UBR3: variants seen among roughly 807,000 people sequenced by gnomAD.
UBR3 encodes the protein ubiquitin protein ligase E3 component n-recognin 3.
Under a neutral mutation model 243.2 loss-of-function variants are expected in UBR3, and 85 were observed. The ratio of observed to expected loss-of-function variants is 0.35; its 90% CI spans 0.29 to 0.42. UBR3 has a LOEUF of 0.42. Among genes scored for constraint, UBR3 ranks in the 10% least tolerant of loss-of-function variants. The pLI is 1.00. For synonymous variants in UBR3, 748 were observed against 799.8 expected (o/e 0.94, Z 1.09); for missense variants, 1,686 against 2,300.8 (o/e 0.73, Z 5.47).
chr2:170,071,590 A>G (rs552221839), intron 35 of UBR3, among the ~76,000 whole-genome samples: 2 of 152,288 alleles, frequency 1.3e-5, no homozygotes, highest in South Asian at 4.1e-4. Flanking sequence ...AAATGGTTGA[A>G]TGTTATGGTA....
At chr2:169,993,866 G>C (rs1488816107) in intron 25 of UBR3, among the ~76,000 whole-genome samples, 5 of 152,010 alleles carry the variant, frequency 3.3e-5, no homozygotes, top group Non-Finnish European at 7.4e-5. Context: ...TTATAAATCT[G>C]CTCCCTCAGT....
intron 1 of UBR3, among the ~76,000 whole-genome samples, chr2:169,832,482 G>GGAGCTTGGAGT (rs549758351): frequency 4.6e-5 from 7 of 151,880 alleles, no homozygotes; most frequent in African/African-American, 7.3e-5. Flanking sequence ...CCCGGGAGGC[G>GGAGCTTGGAGT]GAGCTTGGAG....
At chr2:169,954,614 C>T (rs1213395702) in intron 23 of UBR3, among the ~76,000 whole-genome samples, 4 of 144,044 alleles carry the variant, frequency 2.8e-5, no homozygotes, top group Admixed American at 2.1e-4. Context: ...CTCTTTCTGT[C>T]ACCCAGGCTG....
rs142578750 is a variant in UBR3, at chr2:169,834,328, C to G, written c.545+6276C>G. ...TTTGCGGTCAGTCCCTACTGATAGACATTTAAATTGTTTCCAGACTTGGGC... is the reference window on the plus strand; with the variant it reads ...TTTGCGGTCAGTCCCTACTGATAGAGATTTAAATTGTTTCCAGACTTGGGC... On this transcript the variant is annotated intron_variant, in intron 1 of 38. Transcript: ENST00000272793. Among the ~76,000 whole-genome samples the G allele has an allele frequency of 5.6e-3, 848 of 152,260 alleles. 6 individuals are homozygous for G. The highest frequency in any genetic ancestry group is 0.019 in the African/African-American group (800 of 41,544).
chr2:170,038,735 T>C (rs1344044312), intron 31 of UBR3, among the ~76,000 whole-genome samples: 1 of 152,138 alleles, frequency 6.6e-6, no homozygotes, highest in Admixed American at 6.6e-5. Flanking sequence ...TTGTTATGTT[T>C]CAGGCATTGT....
intron 11 of UBR3, among the ~76,000 whole-genome samples, chr2:169,917,584 T>C (rs1373866622): frequency 2.0e-5 from 3 of 152,184 alleles, no homozygotes; most frequent in Admixed American, 6.5e-5. Flanking sequence ...AGTGTATCTG[T>C]TTTTCACACA....
At chr2:169,960,945 C>T (rs528315843) in intron 24 of UBR3, among the ~76,000 whole-genome samples, 24 of 152,204 alleles carry the variant, frequency 1.6e-4, no homozygotes, top group East Asian at 3.9e-4. Context: ...ATCTTTAGTA[C>T]GTAGCCTCTT....
At chr2:170,043,381 A>G (rs552694290) in intron 32 of UBR3, among the ~76,000 whole-genome samples, 186 of 152,332 alleles carry the variant, frequency 1.2e-3, no homozygotes, top group Admixed American at 4.3e-3. Context: ...TTCATGCTCA[A>G]AGAGGATGCA....
intron 32 of UBR3, among the ~76,000 whole-genome samples, chr2:170,045,826 C>T (rs2091070420): frequency 6.6e-6 from 1 of 151,960 alleles, no homozygotes; most frequent in East Asian, 1.9e-4. Context: ...TCTCTATAGT[C>T]TTCAGTATGT....
Position 169,947,598 on chromosome 2 carries a change from A to C in UBR3, c.2967A>C (p.Leu989Phe). 2 of 1,531,996 alleles carry C rather than the reference A, an allele frequency of 1.3e-6. No homozygotes were observed. The highest frequency in any genetic ancestry group is 1.8e-6 in the Non-Finnish European group (2 of 1,137,618). The allele number at this position is 1,531,996 out of a possible 1,614,324, so 94.9% of individuals were successfully genotyped here. A position where few individuals can be genotyped will look rare whatever the true frequency, so the allele number is the denominator to read the frequency against. ...ACAGTTGGTTTCCTGGCAGTAACTTAGTGTCAAACATGCGACACTTTATAA... is the reference window on the plus strand; with the variant it reads ...ACAGTTGGTTTCCTGGCAGTAACTTCGTGTCAAACATGCGACACTTTATAA... ...CHDSWFPGSN[L>F]VSNMRHFINY... The change falls in exon 22 of 39, where the codon TTA (leucine) becomes TTC (phenylalanine). Residue 989 changes from leucine to phenylalanine, a missense_variant. Physicochemically the swap from Leu to Phe is conservative, Grantham distance 22 (BLOSUM62 0). Transcript: ENST00000272793.
intron 26 of UBR3, among the ~76,000 whole-genome samples, chr2:169,995,999 A>C (rs1478768325): frequency 2.0e-5 from 3 of 152,222 alleles, no homozygotes; most frequent in Non-Finnish European, 4.4e-5. Context: ...ATTTTTAGTT[A>C]GCTATATAAG....
At chr2:169,926,603 AAAAAAC>A (rs1012846543) in intron 14 of UBR3, 83 bp from the exon 15 acceptor site, 21 of 1,370,336 alleles carry the variant, frequency 1.5e-5, no homozygotes, top group Non-Finnish European at 1.8e-5. Flanking sequence ...AACAAAAAAC[AAAAAAC>A]AAAAAAAAGT....
At chr2:170,061,028 A>T (rs2091446139) in intron 33 of UBR3, 51 bp from the exon 34 acceptor site, 1 of 1,226,118 alleles carries the variant, frequency 8.2e-7, no homozygotes, top group Non-Finnish European at 1.1e-6. Flanking sequence ...TCCAATGTAA[A>T]TTTTTTATAA....
chr2:169,909,058 C>G (rs758901431), intron 10 of UBR3, among the ~76,000 whole-genome samples: 1 of 151,972 alleles, frequency 6.6e-6, no homozygotes, highest in African/African-American at 2.4e-5. Flanking sequence ...CTCCTGACCT[C>G]GTGATCCGCC....
chr2:169,930,703 T>G (rs2086090263), intron 18 of UBR3, among the ~76,000 whole-genome samples: 1 of 152,178 alleles, frequency 6.6e-6, no homozygotes, highest in Admixed American at 6.5e-5. Context: ...TATCTTTGGA[T>G]TTGGCTTCTT....
At chr2:169,939,007 T>C (rs1439480520) in intron 19 of UBR3, among the ~76,000 whole-genome samples, 1 of 152,130 alleles carries the variant, frequency 6.6e-6, no homozygotes, top group Non-Finnish European at 1.5e-5. Context: ...AGGTTATTTC[T>C]TGAAAAAAAT....
rs1216549486 is a variant in UBR3, at chr2:169,942,556, C to T, written c.2727C>T (p.Leu909=). ...CTCCATATAAGAAAAGGACATCACT[C>T]CATCCTAGCTATAAAGGTCTTATGA... ...PWPPYKKRTS[L]HPSYKGLMRL... The change falls in exon 20 of 39, where the codon CTC becomes CTT. Residue 909 remains leucine, a synonymous_variant. Coordinates refer to ENST00000272793, the MANE Select transcript of UBR3 (RefSeq NM_172070.4). The T allele has an allele frequency of 1.9e-6, 3 of 1,550,544 alleles. No individual in the cohort carries two copies. The highest frequency in any genetic ancestry group is 2.6e-6 in the Non-Finnish European group (3 of 1,146,648).
At chr2:169,904,090 C>T (rs555759668) in intron 8 of UBR3, among the ~76,000 whole-genome samples, 2 of 152,082 alleles carry the variant, frequency 1.3e-5, no homozygotes, top group African/African-American at 2.4e-5. Flanking sequence ...GTAAAATATA[C>T]TTAGGCTTTT....
intron 35 of UBR3, among the ~76,000 whole-genome samples, chr2:170,070,504 G>GA (rs1423563155): frequency 6.6e-6 from 1 of 151,734 alleles, no homozygotes; most frequent in Non-Finnish European, 1.5e-5. Context: ...GCAAGAAAAA[G>GA]AAAAAAAGAC....
Sources: allele counts gnomAD v4.1 joint callset (sites outside exome capture counted in the v4.1 genomes callset), GRCh38; gene constraint gnomAD v4.1.1; transcripts MANE v1.5; gene names NCBI Gene and HGNC (gene_info 2026-07-23, HGNC 2026-07-21).